Variants in MAP3K5 observed in about 807,000 individuals in gnomAD.
MAP3K5 encodes the protein ASK-1.
Under a neutral mutation model 158.7 loss-of-function variants are expected in MAP3K5, and 56 were observed. The observed-to-expected ratio is 0.35, with a 90% CI of 0.28 to 0.44. The LOEUF (loss-of-function observed/expected upper bound fraction) is 0.44, where lower values mean the gene tolerates loss of function less well. Among genes scored for constraint, MAP3K5 ranks in the 20% least tolerant of loss-of-function variants. The pLI is 1.00. For synonymous variants in MAP3K5, 579 were observed against 601.7 expected (o/e 0.96, Z 0.55); for missense variants, 1,294 against 1,674.8 (o/e 0.77, Z 3.97).
chr6:136,559,025 G>A lies in MAP3K5; in HGVS notation c.3988-149C>T, dbSNP rs539278556. On this transcript the variant is annotated intron_variant, in intron 28 of 29. Coordinates refer to ENST00000359015, the MANE Select transcript of MAP3K5 (RefSeq NM_005923.4). ...ACACAATCTTCCAGGATTATTAGGG[G>A]AAAGGCCTCCCTGTTACTCAATAAA... The A allele has an allele frequency of 5.3e-4, 315 of 592,710 alleles. 8 individuals are homozygous for A. In the South Asian group the frequency reaches 5.5e-3, roughly 10 times the overall value. The allele number at this position is 592,710 out of a possible 1,614,324, so 36.7% of individuals were successfully genotyped here.
intron 14 of MAP3K5, among the ~76,000 whole-genome samples, chr6:136,630,649 T>G (rs1777304058): frequency 6.6e-6 from 1 of 152,238 alleles, no homozygotes; most frequent in Non-Finnish European, 1.5e-5. Context: ...AGAGGAGATG[T>G]TGCATAAACA....
intron 1 of MAP3K5, among the ~76,000 whole-genome samples, chr6:136,756,474 T>C (rs1783492716): frequency 6.6e-6 from 1 of 152,084 alleles, no homozygotes; most frequent in Non-Finnish European, 1.5e-5. Flanking sequence ...GTTGAGACAG[T>C]CTCTCTCACT....
chr6:136,629,555 C>T (rs185727586), intron 14 of MAP3K5, among the ~76,000 whole-genome samples: 259 of 150,736 alleles, frequency 1.7e-3, no homozygotes, highest in African/African-American at 6.1e-3. Context: ...CCCAGGTTCA[C>T]GCCATTCTCC....
intron 2 of MAP3K5, among the ~76,000 whole-genome samples, chr6:136,715,593 T>A (rs1781484053): frequency 6.6e-6 from 1 of 152,220 alleles, no homozygotes; most frequent in South Asian, 2.1e-4. Context: ...AAGCATCCTC[T>A]TGCACTGACA....
rs778118152 is a variant in MAP3K5, at chr6:136,592,296, A to G, written c.3102T>C (p.Pro1034=). The change falls in exon 23 of 30, where the codon CCT becomes CCC. Residue 1034 remains proline, a synonymous_variant. Transcript: ENST00000359015. ...NFEDHSAPPS[P]EEKDSGFFML... ...TGAAGAATCCAGAATCTTTTTCTTCAGGGGAAGGAGGAGCACTGTGATCTT... is the reference window on the plus strand; with the variant it reads ...TGAAGAATCCAGAATCTTTTTCTTCGGGGGAAGGAGGAGCACTGTGATCTT... The G allele has an allele frequency of 1.2e-5, 19 of 1,606,166 alleles. No homozygotes were observed. In the South Asian group the frequency reaches 1.9e-4, roughly 16 times the overall value.
chr6:136,707,572 C>T (rs1057220883), intron 2 of MAP3K5, among the ~76,000 whole-genome samples: 1 of 151,566 alleles, frequency 6.6e-6, no homozygotes, highest in African/African-American at 2.4e-5. Flanking sequence ...GGGGGGGGAA[C>T]CCCTTGAACG....
At chr6:136,745,092 G>C (rs1012834547) in intron 1 of MAP3K5, among the ~76,000 whole-genome samples, 1 of 150,034 alleles carries the variant, frequency 6.7e-6, no homozygotes, top group African/African-American at 2.5e-5. Context: ...AATGTTTCCT[G>C]TTCAGAATAC....
intron 3 of MAP3K5, among the ~76,000 whole-genome samples, chr6:136,703,037 A>T (rs537702103): frequency 5.3e-5 from 8 of 151,526 alleles, no homozygotes; most frequent in Non-Finnish European, 1.0e-4. Context: ...TTTTTTTTTA[A>T]AAAAACCTCC....
chr6:136,558,769 T>G (rs762982439), intron 29 of MAP3K5, 31 bp downstream of exon 29: 2 of 1,387,038 alleles, frequency 1.4e-6, no homozygotes, highest in South Asian at 2.4e-5. Flanking sequence ...TGGTGCTCTT[T>G]CCATAGTGAC....
intron 11 of MAP3K5, among the ~76,000 whole-genome samples, chr6:136,650,286 A>G (rs1778460602): frequency 6.6e-6 from 1 of 152,236 alleles, no homozygotes; most frequent in East Asian, 1.9e-4. Flanking sequence ...CTATTTTTCC[A>G]CAAGACTTCT....
At chr6:136,693,057 T>C (rs1452027566) in intron 7 of MAP3K5, among the ~76,000 whole-genome samples, 1 of 152,256 alleles carries the variant, frequency 6.6e-6, no homozygotes, top group Non-Finnish European at 1.5e-5. Flanking sequence ...TATTTTGGTA[T>C]TTAACTCACT....
intron 21 of MAP3K5, among the ~76,000 whole-genome samples, chr6:136,593,986 G>A (rs561369213): frequency 5.3e-5 from 8 of 152,190 alleles, no homozygotes; most frequent in Admixed American, 3.9e-4. Context: ...AGCTGACCTC[G>A]GGGGAAACCA....
intron 1 of MAP3K5, among the ~76,000 whole-genome samples, chr6:136,781,192 C>T (rs1466538142): frequency 1.3e-5 from 2 of 152,168 alleles, no homozygotes; most frequent in African/African-American, 4.8e-5. Context: ...TTTGGTCTAT[C>T]GCAGTCCATC....
At chr6:136,785,294 G>A (rs142280665) in intron 1 of MAP3K5, among the ~76,000 whole-genome samples, 28 of 152,320 alleles carry the variant, frequency 1.8e-4, no homozygotes, top group African/African-American at 6.7e-4. Context: ...ATTAACACAT[G>A]GGCGACTTTT....
Position 136,789,324 on chromosome 6 carries a change from T to C in MAP3K5, c.448+2386A>G, listed in dbSNP as rs78514962. On this transcript the variant is annotated intron_variant, in intron 1 of 29. Transcript: ENST00000359015. The stretch of plus-strand genomic sequence containing the variant: ...GACCTTGTCTCTAAAACAAATAAAA[T>C]AAAATAGAAACAAAGGGTTTGGATA... Among the ~76,000 whole-genome samples, 1,320 of 152,010 alleles carry C rather than the reference T, an allele frequency of 8.7e-3. 24 individuals carry two copies. Among genetic ancestry groups the C allele is most frequent in the African/African-American group, 0.03 (1,249 of 41,450 alleles).
At chr6:136,708,683 T>G (rs9402841) in intron 2 of MAP3K5, among the ~76,000 whole-genome samples, 1 of 152,034 alleles carries the variant, frequency 6.6e-6, no homozygotes, top group African/African-American at 2.4e-5. Flanking sequence ...AGTGGCATTG[T>G]AGAGGAAGGT....
intron 1 of MAP3K5, among the ~76,000 whole-genome samples, chr6:136,775,943 C>G (rs1784387819): frequency 6.6e-6 from 1 of 152,182 alleles, no homozygotes; most frequent in Non-Finnish European, 1.5e-5. Context: ...AAGATCCAAT[C>G]CTGAATAATC....
Position 136,613,360 on chromosome 6 carries a change from A to T in MAP3K5, c.2279-104T>A. 2 of 1,007,686 alleles carry T rather than the reference A, an allele frequency of 2.0e-6. No homozygotes were observed. Among genetic ancestry groups the T allele is most frequent in the Non-Finnish European group, 1.4e-6 (1 of 707,506 alleles). The allele number at this position is 1,007,686 out of a possible 1,614,324, so 62.4% of individuals were successfully genotyped here. A position where few individuals can be genotyped will look rare whatever the true frequency, so the allele number is the denominator to read the frequency against. Reference sequence around the variant, plus strand: ...TTAAGCTAACAGTCATTGGTTCTTCACAGTGGCCCAGGAGCTATACTGGAT... The same window carrying T: ...TTAAGCTAACAGTCATTGGTTCTTCTCAGTGGCCCAGGAGCTATACTGGAT... On this transcript the variant is annotated intron_variant, in intron 16 of 29. Transcript: ENST00000359015. The surrounding 1 kb of genome is among the most constrained non-coding windows in gnomAD (Gnocchi z 4.0).
chr6:136,698,386 G>T, intron 4 of MAP3K5, 103 bp downstream of exon 4: 1 of 888,682 alleles, frequency 1.1e-6, no homozygotes, highest in Non-Finnish European at 1.7e-6. Flanking sequence ...CTAGTTCTTA[G>T]CTGTATACTG....
Sources: gnomAD v4.1 joint callset for allele counts (sites outside exome capture counted in the v4.1 genomes callset) on GRCh38, gnomAD v4.1.1 for gene constraint, Gnocchi (gnomAD v3.1) non-coding constraint, MANE v1.5 for transcripts, NCBI Gene and HGNC (gene_info 2026-07-23, HGNC 2026-07-21) for gene names.